The following RAPGEF5 variants were observed in gnomAD, a reference collection of about 807,000 sequenced individuals.
RAPGEF5 encodes the protein M-Ras-regulated GEF.
RAPGEF5 carries 65 observed loss-of-function variants against 125.2 expected under a neutral mutation model. The ratio of observed to expected loss-of-function variants is 0.52; its 90% CI spans 0.43 to 0.64. The LOEUF (loss-of-function observed/expected upper bound fraction) is 0.64. RAPGEF5 is among the 30% of genes least tolerant of loss of function. RAPGEF5 has a pLI of 0.00. For missense variants in RAPGEF5, 958 were observed against 1,048.1 expected (o/e 0.91, Z 1.19); for synonymous variants, 391 against 385.9 (o/e 1.01, Z -0.16).
intron 6 of RAPGEF5, among the ~76,000 whole-genome samples, chr7:22,268,822 G>C (rs1184502295): frequency 6.6e-6 from 1 of 152,126 alleles, no homozygotes; most frequent in Admixed American, 6.5e-5. Context: ...ATTAGAAAAT[G>C]ATGCCCAAAA....
chr7:22,355,406 G>C (rs1392733102), intron 1 of RAPGEF5, among the ~76,000 whole-genome samples: 2 of 152,132 alleles, frequency 1.3e-5, no homozygotes, highest in African/African-American at 4.8e-5. Context: ...CCATGAAAAA[G>C]TAACCGTCAA....
intron 1 of RAPGEF5, among the ~76,000 whole-genome samples, chr7:22,343,375 G>T (rs533602777): frequency 2.0e-5 from 3 of 152,128 alleles, no homozygotes; most frequent in African/African-American, 7.2e-5. Flanking sequence ...AAAATTCCAG[G>T]GTTGATTTTT....
At chr7:22,287,882 C>T (rs1782835056) in intron 6 of RAPGEF5, among the ~76,000 whole-genome samples, 1 of 152,150 alleles carries the variant, frequency 6.6e-6, no homozygotes, top group African/African-American at 2.4e-5. Context: ...TCATCTTGGC[C>T]AAGGTCACAT....
intron 6 of RAPGEF5, among the ~76,000 whole-genome samples, chr7:22,283,969 A>G (rs2128145454): frequency 6.6e-6 from 1 of 152,240 alleles, no homozygotes; most frequent in South Asian, 2.1e-4. Context: ...CCAAACTCTC[A>G]GGGCTAGAGT....
At chr7:22,255,650 A>C (rs1010253720) in intron 7 of RAPGEF5, among the ~76,000 whole-genome samples, 19 of 152,170 alleles carry the variant, frequency 1.2e-4, no homozygotes, top group African/African-American at 3.4e-4. Context: ...ACACTTTGAT[A>C]TATCATATAT....
intron 1 of RAPGEF5, among the ~76,000 whole-genome samples, chr7:22,330,509 A>G (rs1783896325): frequency 6.6e-6 from 1 of 152,220 alleles, no homozygotes; most frequent in Admixed American, 6.5e-5. Flanking sequence ...TTTGTAGGTA[A>G]AGGATACAAA....
chr7:22,179,352 CTCAAA>C (rs1443999451), intron 11 of RAPGEF5, among the ~76,000 whole-genome samples: 1 of 152,098 alleles, frequency 6.6e-6, no homozygotes, highest in African/African-American at 2.4e-5. Flanking sequence ...AAATCAACAG[CTCAAA>C]TCAGACATAA....
chr7:22,262,928 G>A (rs1782191777), intron 7 of RAPGEF5, among the ~76,000 whole-genome samples: 1 of 152,180 alleles, frequency 6.6e-6, no homozygotes. Context: ...TCGTGCCACT[G>A]CACTGCAGCC....
At chr7:22,129,033 G>C (rs187398618) in intron 24 of RAPGEF5, among the ~76,000 whole-genome samples, 28 of 152,226 alleles carry the variant, frequency 1.8e-4, no homozygotes, top group South Asian at 1.7e-3. Flanking sequence ...TTGAGAGCTG[G>C]CGTTAAGAGG....
Position 22,257,730 on chromosome 7 carries a change from G to C in RAPGEF5, c.796+9234C>G, listed in dbSNP as rs79755259. Among the ~76,000 whole-genome samples the C allele has an allele frequency of 4.1e-3, 621 of 152,236 alleles. 3 individuals carry two copies. The highest frequency in any genetic ancestry group is 0.014 in the African/African-American group (589 of 41,542). On this transcript the variant is annotated intron_variant, in intron 7 of 25. Transcript: ENST00000665637. The stretch of plus-strand genomic sequence containing the variant: ...CTTTGAATACAGTAATATATATCTT[G>C]TTGGTTATTTTTACCCCTAGATTGT...
chr7:22,311,004 T>C (rs956541020), intron 3 of RAPGEF5, among the ~76,000 whole-genome samples: 1 of 152,152 alleles, frequency 6.6e-6, no homozygotes, highest in African/African-American at 2.4e-5. Context: ...CAAATTTCAC[T>C]CTCCCTTATG....
chr7:22,232,922 C>T (rs1421303085), intron 7 of RAPGEF5, among the ~76,000 whole-genome samples: 1 of 152,184 alleles, frequency 6.6e-6, no homozygotes, highest in Non-Finnish European at 1.5e-5. Context: ...TAGGATAACT[C>T]TGACCAGCTG....
chr7:22,136,873 A>C, intron 22 of RAPGEF5, 60 bp downstream of exon 22: 1 of 1,398,148 alleles, frequency 7.2e-7, no homozygotes, highest in Non-Finnish European at 9.9e-7. Flanking sequence ...ATAATGTAGA[A>C]AGAAACTAGA....
At chr7:22,225,450 G>T (rs1175210218) in intron 8 of RAPGEF5, among the ~76,000 whole-genome samples, 2 of 152,122 alleles carry the variant, frequency 1.3e-5, no homozygotes, top group Non-Finnish European at 2.9e-5. Context: ...TATCAAAAAA[G>T]ATTTTCAAGG....
intron 5 of RAPGEF5, among the ~76,000 whole-genome samples, chr7:22,292,522 G>A (rs1023603970): frequency 1.3e-5 from 2 of 152,154 alleles, no homozygotes; most frequent in Admixed American, 6.5e-5. Context: ...ATTATAACTT[G>A]GGATCTTTTT....
chr7:22,223,372 C>T (rs754714742), intron 8 of RAPGEF5, among the ~76,000 whole-genome samples: 1 of 152,160 alleles, frequency 6.6e-6, no homozygotes. Flanking sequence ...TTGAGTGGAG[C>T]AATTTCTGTT....
intron 3 of RAPGEF5, among the ~76,000 whole-genome samples, chr7:22,312,439 C>A (rs1261864714): frequency 1.3e-5 from 2 of 152,086 alleles, no homozygotes; most frequent in African/African-American, 2.4e-5. Context: ...GAACTCCTGG[C>A]CTCAGGTGAT....
At chr7:22,335,747 G>C (rs1002785973) in intron 1 of RAPGEF5, among the ~76,000 whole-genome samples, 9 of 149,866 alleles carry the variant, frequency 6.0e-5, no homozygotes, top group Admixed American at 3.3e-4. Flanking sequence ...TTCCAAAGCT[G>C]TCCTAAAGGC....
rs946008749 is a variant in RAPGEF5, at chr7:22,140,326, C to T, written c.2187-211G>A. Among the ~76,000 whole-genome samples the T allele has an allele frequency of 3.3e-5, 5 of 152,160 alleles. No homozygotes were observed. The East Asian group carries it at 9.6e-4, about 29-fold the overall frequency. On this transcript the variant is annotated intron_variant, in intron 20 of 25. Coordinates refer to ENST00000665637, the MANE Select transcript of RAPGEF5 (RefSeq NM_012294.5). ...TCACTCTTACCTAAAGGAAAAGATC[C>T]GTGCTCTTGACACCCTCCTCATATT...
Sources: gnomAD v4.1 joint callset for allele counts (sites outside exome capture counted in the v4.1 genomes callset) on GRCh38, gnomAD v4.1.1 for gene constraint, MANE v1.5 for transcripts, NCBI Gene and HGNC (gene_info 2026-07-23, HGNC 2026-07-21) for gene names.